The following AKNAD1 variants were observed in gnomAD, a reference collection of about 807,000 sequenced individuals.
AKNAD1 encodes protein AKNAD1.
Under a neutral mutation model 90.8 loss-of-function variants are expected in AKNAD1, and 67 were observed. The observed-to-expected ratio is 0.74, with a 90% CI of 0.61 to 0.90. AKNAD1 has a LOEUF of 0.90. Ranked by LOEUF, AKNAD1 falls within the 40% of genes least tolerant of loss-of-function variation. The probability of loss-of-function intolerance (pLI) is 0.00; values close to 1 mark genes in which losing one functional copy is unlikely to be tolerated. For synonymous variants in AKNAD1, 327 were observed against 341.4 expected, an observed-to-expected ratio of 0.96 and a Z score of 0.46; for missense variants, 957 against 975.4, an observed-to-expected ratio of 0.98 and a Z score of 0.25.
At position 108,852,277 on chromosome 1, in the gene AKNAD1, A is replaced by G. The variant is rs1315610064; in HGVS notation, c.388T>C (p.Cys130Arg). ...TTTGAGATCTCTGGGAGGGTTTCAC[A>G]ATCAATGCCTTGACCTCTTAAGAAT... ...EPFLRGQGID[C>R]ETLPEISNAD... Residue 130 changes from cysteine to arginine, a missense_variant, in exon 2 of 16, where the codon TGT becomes CGT. Cys to Arg is a radical substitution (Grantham distance 180, BLOSUM62 -3). Coordinates refer to ENST00000370001, the MANE Select transcript of AKNAD1 (RefSeq NM_152763.5). 6.2e-7 allele frequency: 1 copy of G among 1,614,148 alleles called. No individual in the cohort carries two copies. The highest frequency in any genetic ancestry group is 8.5e-7 in the Non-Finnish European group (1 of 1,180,022).
intron 5 of AKNAD1, among the ~76,000 whole-genome samples, chr1:108,848,458 T>C (rs1664764641): frequency 6.6e-6 from 1 of 152,196 alleles, no homozygotes; most frequent in South Asian, 2.1e-4. Context: ...CCACTCTTTA[T>C]AACTGATTAT....
intron 11 of AKNAD1, among the ~76,000 whole-genome samples, chr1:108,824,042 C>T (rs906419856): frequency 2.0e-5 from 3 of 152,350 alleles, no homozygotes; most frequent in East Asian, 1.9e-4. Context: ...TGGCCTGATA[C>T]ATCCACATTC....
Position 108,837,560 on chromosome 1 carries a change from A to G in AKNAD1, c.1526T>C (p.Leu509Pro). ...LDDLASTFSS[L>P]SNEIPKEHPG... ...ACATTGCTGTATTACCTCATTTGAG[A>G]GTGAAGAGAAGGTGGAGGCCAAGTC... Residue 509 changes from leucine to proline, a missense_variant, in exon 7 of 16, where the codon CTC becomes CCC. By Grantham distance (98) the Leu-to-Pro change is moderately conservative. Transcript: ENST00000370001. 2 of 1,614,136 alleles carry G rather than the reference A, an allele frequency of 1.2e-6. No homozygotes were observed. Among genetic ancestry groups the G allele is most frequent in the Non-Finnish European group, 1.7e-6 (2 of 1,180,010 alleles).
At chr1:108,825,849 T>C (rs556761644) in intron 11 of AKNAD1, among the ~76,000 whole-genome samples, 1 of 151,912 alleles carries the variant, frequency 6.6e-6, no homozygotes, top group South Asian at 2.1e-4. Context: ...ATTAACAAAA[T>C]AGCAGTTTTT....
rs141968711 is a variant in AKNAD1 at position 108,852,096 on chromosome 1, G to C, written c.569C>G (p.Thr190Arg). The C allele has an allele frequency of 1.9e-6, 3 of 1,614,064 alleles. No homozygotes were observed. The highest frequency in any genetic ancestry group is 1.7e-5 in the Admixed American group (1 of 60,008). ...TTCTAAATCAGAGGTATTTTCCTCT[G>C]TCGTGGTGGCAGAACCAGGCTTATT... ...NSNKPGSATT[T>R]EENTSDLEGP... Residue 190 changes from threonine to arginine, a missense_variant, in exon 2 of 16, where the codon ACA (threonine) becomes AGA (arginine). Thr to Arg is a moderately conservative substitution (Grantham distance 71). Transcript: ENST00000370001.
At chr1:108,837,005 C>A (rs769404729) in intron 7 of AKNAD1, 1 of 152,246 alleles carries the variant, frequency 6.6e-6, no homozygotes, top group Non-Finnish European at 1.5e-5. Flanking sequence ...GCCAAGCGGG[C>A]GGATCACTTG....
intron 6 of AKNAD1, among the ~76,000 whole-genome samples, chr1:108,838,222 G>T (rs907043426): frequency 6.6e-6 from 1 of 151,408 alleles, no homozygotes; most frequent in African/African-American, 2.4e-5. Flanking sequence ...AATTTACCTC[G>T]TAACAGTCCA....
intron 9 of AKNAD1, among the ~76,000 whole-genome samples, chr1:108,832,094 T>C (rs1664217175): frequency 6.6e-6 from 1 of 152,176 alleles, no homozygotes; most frequent in African/African-American, 2.4e-5. Flanking sequence ...GTTGTCGCCA[T>C]TTTAATGGTG....
chr1:108,816,791 G>C (rs1287903573), intron 15 of AKNAD1: 4 of 425,886 alleles, frequency 9.4e-6, no homozygotes, highest in African/African-American at 2.0e-5. Context: ...CCCCCGGCCA[G>C]GGAAATCCTG....
Position 108,827,229 on chromosome 1 carries a change from C to T in AKNAD1, c.1912G>A (p.Ala638Thr), listed in dbSNP as rs775377275. ...GRFSIVLHEK[A>T]PHSDSTPNSD... ...CTGGGAGTTGAATCTGAGTGTGGTG[C>T]CTTTTCATGAAGGACAATTGAAAAT... The change falls in exon 11 of 16, where the codon GCA becomes ACA. Residue 638 changes from alanine to threonine, a missense_variant. Ala to Thr is a moderately conservative substitution (Grantham distance 58). Transcript: ENST00000370001. 2.5e-6 allele frequency: 4 copies of T among 1,611,222 alleles called. No individual in the cohort carries two copies. The Admixed American group carries it at 6.7e-5, about 27-fold the overall frequency.
chr1:108,821,759 A>C (rs945082688), intron 13 of AKNAD1, among the ~76,000 whole-genome samples: 13 of 152,186 alleles, frequency 8.5e-5, no homozygotes, highest in Admixed American at 7.9e-4. Flanking sequence ...AACAAGAAGA[A>C]AGACAGATAA....
chr1:108,823,724 T>A (rs1390999129), intron 11 of AKNAD1, 36 bp from the exon 12 acceptor site: 2 of 1,613,666 alleles, frequency 1.2e-6, no homozygotes, highest in Non-Finnish European at 1.7e-6. Flanking sequence ...GAAGGGTAAG[T>A]GTCTTGATTA....
At chr1:108,840,156 T>G (rs983882139) in intron 6 of AKNAD1, among the ~76,000 whole-genome samples, 1 of 152,208 alleles carries the variant, frequency 6.6e-6, no homozygotes, top group Non-Finnish European at 1.5e-5. Flanking sequence ...ACAAATATTC[T>G]GGAGTAAAAA....
intron 9 of AKNAD1, among the ~76,000 whole-genome samples, chr1:108,833,001 T>A (rs36079615): frequency 0.15 from 23,388 of 152,078 alleles, 2,114 homozygotes; most frequent in African/African-American, 0.25. Flanking sequence ...CAACTACAAA[T>A]GTTTGCATGT....
At position 108,817,084 on chromosome 1, in the gene AKNAD1, T is replaced by G; in HGVS notation, c.2343A>C (p.Leu781Phe). 6.2e-7 allele frequency: 1 copy of G among 1,614,162 alleles called. No homozygotes were observed. Among genetic ancestry groups the G allele is most frequent in the Middle Eastern group, 1.6e-4 (1 of 6,062 alleles). The change falls in exon 15 of 16, where the codon TTA becomes TTC. Residue 781 changes from leucine (L) to phenylalanine (F), a missense_variant. By Grantham distance (22) the Leu-to-Phe change is conservative. Coordinates refer to ENST00000370001, the MANE Select transcript of AKNAD1 (RefSeq NM_152763.5). ...YSCRISGSKS[L>F]CDFDSTEEIK... ...TTTCTTCAGTGCTATCAAAGTCACATAAGGATTTGCTTCCAGAAATCCTGC... is the reference window on the plus strand; with the variant it reads ...TTTCTTCAGTGCTATCAAAGTCACAGAAGGATTTGCTTCCAGAAATCCTGC...
At chr1:108,836,231 G>A (rs927667687) in intron 7 of AKNAD1, among the ~76,000 whole-genome samples, 6 of 152,224 alleles carry the variant, frequency 3.9e-5, no homozygotes, top group African/African-American at 1.4e-4. Context: ...GCCTCACAAA[G>A]ACTTGTGACT....
chr1:108,822,916 C>T (rs774310023), intron 13 of AKNAD1: 12 of 379,994 alleles, frequency 3.2e-5, no homozygotes, highest in Non-Finnish European at 5.2e-5. Context: ...AATTTTTTTT[C>T]AAAGACAGCA....
rs1183254389 is a variant in AKNAD1 at position 108,849,539 on chromosome 1, G to C, written c.1031C>G (p.Thr344Arg). Residue 344 changes from threonine to arginine, a missense_variant and splice_region_variant, in exon 3 of 16, where the codon ACA becomes AGA. By Grantham distance (71) the Thr-to-Arg change is moderately conservative. Transcript: ENST00000370001. ...PIVHIHQELLTGIESEASLSK... is the reference protein window; with the variant it reads ...PIVHIHQELLRGIESEASLSK... ...AAGAAGTTTTAAAACATTAGTACCT[G>C]TGAGAAGTTCTTGGTGGATATGTAC... is the stretch of plus-strand genomic sequence containing the variant. 10 of 1,580,998 alleles carry C rather than the reference G, an allele frequency of 6.3e-6. No homozygotes were observed. Among genetic ancestry groups the C allele is most frequent in the Non-Finnish European group, 7.8e-6 (9 of 1,150,116 alleles).
chr1:108,823,749 G>A (rs1044912077), intron 11 of AKNAD1, 61 bp from the exon 12 acceptor site: 32 of 1,609,244 alleles, frequency 2.0e-5, no homozygotes, highest in African/African-American at 6.7e-5. Flanking sequence ...CATAAAATAC[G>A]GTGTGGAGAG....
Sources: gnomAD v4.1 joint callset for allele counts (sites outside exome capture counted in the v4.1 genomes callset) on GRCh38, gnomAD v4.1.1 for gene constraint, MANE v1.5 for transcripts, NCBI Gene and HGNC (gene_info 2026-07-23, HGNC 2026-07-21) for gene names.